Variants in SAMD12 observed in about 807,000 individuals in gnomAD.
The protein encoded by SAMD12 is sterile alpha motif domain-containing protein 12.
A neutral mutation model predicts 15.0 loss-of-function variants in SAMD12; 9 were observed. The observed-to-expected ratio is 0.60, with a 90% CI of 0.36 to 1.05. The LOEUF is 1.05. Ranked by LOEUF, SAMD12 falls within the 50% of genes least tolerant of loss-of-function variation. The pLI, the probability that SAMD12 is intolerant of heterozygous loss-of-function variation, is 0.01. For synonymous variants in SAMD12, 86 were observed against 90.1 expected (o/e 0.96, Z 0.25); for missense variants, 230 against 234.2 (o/e 0.98, Z 0.12).
chr8:118,303,016 G>A (rs1368555644), intron 4 of SAMD12, among the ~76,000 whole-genome samples: 1 of 152,176 alleles, frequency 6.6e-6, no homozygotes, highest in Admixed American at 6.5e-5. Flanking sequence ...AGGAAACTAA[G>A]TTAATACATA....
At chr8:118,344,783 G>C (rs1817550415) in intron 4 of SAMD12, among the ~76,000 whole-genome samples, 1 of 152,036 alleles carries the variant, frequency 6.6e-6, no homozygotes, top group Non-Finnish European at 1.5e-5. Context: ...TCAATCACTG[G>C]GTCTTGGATG....
intron 4 of SAMD12, among the ~76,000 whole-genome samples, chr8:118,318,310 G>A (rs74760125): frequency 0.023 from 2,576 of 111,420 alleles, 78 homozygotes; most frequent in Non-Finnish European, 0.034. Context: ...AGATATATGT[G>A]TATATATATA....
At chr8:118,473,684 T>A (rs73315332) in intron 2 of SAMD12, among the ~76,000 whole-genome samples, 3,363 of 152,254 alleles carry the variant, frequency 0.022, 115 homozygotes, top group African/African-American at 0.077. Flanking sequence ...ACTCTCCGAC[T>A]CATCATGCAC....
At chr8:118,575,464 A>G (rs931342204) in intron 2 of SAMD12, among the ~76,000 whole-genome samples, 3 of 152,168 alleles carry the variant, frequency 2.0e-5, no homozygotes, top group Non-Finnish European at 4.4e-5. Context: ...TAAATAGATC[A>G]TTTGTATATT....
the SAMD12 span, among the ~76,000 whole-genome samples, chr8:118,150,390 T>C: frequency 6.6e-6 from 1 of 150,804 alleles, no homozygotes; most frequent in Non-Finnish European, 1.5e-5. Context: ...GTTTTTTCTC[T>C]TTTTTTTAGA....
chr8:118,507,502 GA>G (rs1437672780), intron 2 of SAMD12, among the ~76,000 whole-genome samples: 3 of 151,982 alleles, frequency 2.0e-5, no homozygotes, highest in African/African-American at 7.2e-5. Flanking sequence ...TTTGTACATG[GA>G]AAAAACCCCT....
intron 2 of SAMD12, among the ~76,000 whole-genome samples, chr8:118,450,852 G>A (rs1322123011): frequency 6.6e-6 from 1 of 152,092 alleles, no homozygotes; most frequent in Non-Finnish European, 1.5e-5. Context: ...GGCTTGGCAT[G>A]CATTTGCACT....
At chr8:118,136,676 G>T in the SAMD12 span, among the ~76,000 whole-genome samples, 13 of 152,278 alleles carry the variant, frequency 8.5e-5, no homozygotes, top group South Asian at 2.5e-3. Flanking sequence ...GAAAGCTGTT[G>T]GTGTACACAG....
chr8:118,375,772 A>G (rs1015632429), downstream of SAMD12: 11 of 152,158 alleles, frequency 7.2e-5, no homozygotes, highest in African/African-American at 2.7e-4. Flanking sequence ...GTGACATAAA[A>G]GGCACACACC....
intron 2 of SAMD12, among the ~76,000 whole-genome samples, chr8:118,523,871 C>T (rs1704194821): frequency 6.6e-6 from 1 of 152,110 alleles, no homozygotes. Flanking sequence ...ATCAACTCTA[C>T]CACTCACCTG....
the SAMD12 span, among the ~76,000 whole-genome samples, chr8:118,174,158 T>C: frequency 0.13 from 19,408 of 152,210 alleles, 1,612 homozygotes; most frequent in East Asian, 0.23. Flanking sequence ...TAATTTTACC[T>C]ATCCTGTGGG....
At position 118,305,833 on chromosome 8, in the gene SAMD12, G is replaced by A. The variant is rs370094613; in HGVS notation, c.433+73727C>T. Among the ~76,000 whole-genome samples the A allele has an allele frequency of 4.6e-5, 7 of 152,140 alleles. No homozygotes were observed. In the South Asian group the frequency reaches 6.2e-4, roughly 14 times the overall value. On this transcript the variant is annotated intron_variant, in intron 4 of 4. Coordinates refer to the SAMD12 transcript ENST00000409003. ...GATGACATTGCCTAGACTCCCTTGC[G>A]CTACACCTTCCAGGTAGTTTTAGCC...
chr8:118,388,278 A>G (rs951030054), intron 3 of SAMD12, among the ~76,000 whole-genome samples: 1 of 152,160 alleles, frequency 6.6e-6, no homozygotes, highest in Non-Finnish European at 1.5e-5. Context: ...TTTACCTTCC[A>G]CCACAAAGCA....
At chr8:118,401,017 C>T (rs1218487717) in intron 3 of SAMD12, among the ~76,000 whole-genome samples, 3 of 152,150 alleles carry the variant, frequency 2.0e-5, no homozygotes, top group African/African-American at 4.8e-5. Flanking sequence ...CAAAATGTGC[C>T]TAAACTGAAC....
At chr8:118,149,943 T>G in the SAMD12 span, among the ~76,000 whole-genome samples, 1 of 152,220 alleles carries the variant, frequency 6.6e-6, no homozygotes, top group African/African-American at 2.4e-5. Flanking sequence ...TTGTTCATCT[T>G]GCAACCAATA....
At chr8:118,314,613 C>T (rs1487045996) in intron 4 of SAMD12, among the ~76,000 whole-genome samples, 1 of 152,172 alleles carries the variant, frequency 6.6e-6, no homozygotes, top group Non-Finnish European at 1.5e-5. Flanking sequence ...TTTGTTATTT[C>T]AAGAATGTTA....
At chr8:118,452,039 C>G (rs1823098789) in intron 2 of SAMD12, among the ~76,000 whole-genome samples, 2 of 152,064 alleles carry the variant, frequency 1.3e-5, no homozygotes. Flanking sequence ...TTCCCTGATA[C>G]ATAGGATTAG....
chr8:118,312,020 T>C (rs1423575860), intron 4 of SAMD12, among the ~76,000 whole-genome samples: 1 of 152,180 alleles, frequency 6.6e-6, no homozygotes. Context: ...TATTTGGGCT[T>C]GACATCAGTT....
the SAMD12 span, among the ~76,000 whole-genome samples, chr8:118,154,219 C>T: frequency 4.0e-3 from 605 of 152,156 alleles, 4 homozygotes; most frequent in African/African-American, 0.014. Context: ...ACTCAAGGGC[C>T]TCCAAAATCT....
Sources: gnomAD v4.1 joint callset for allele counts (sites outside exome capture counted in the v4.1 genomes callset) on GRCh38, gnomAD v4.1.1 for gene constraint, MANE v1.5 for transcripts, NCBI Gene and HGNC (gene_info 2026-07-23, HGNC 2026-07-21) for gene names.